Variants in SHANK2 observed in about 807,000 individuals in gnomAD.
SHANK2 encodes SH3 and multiple ankyrin repeat domains protein 2.
SHANK2 carries 43 observed loss-of-function variants against 133.7 expected under a neutral mutation model. That is an observed-to-expected ratio of 0.32 (90% confidence interval 0.25 to 0.41). The LOEUF (loss-of-function observed/expected upper bound fraction) is 0.41, where lower values mean the gene tolerates loss of function less well. Ranked by LOEUF, SHANK2 falls within the 10% of genes least tolerant of loss-of-function variation. The pLI is 1.00. For missense variants in SHANK2, 1,994 were observed against 2,235.8 expected (o/e 0.89, Z 2.18); for synonymous variants, 1,017 against 952.8 (o/e 1.07, Z -1.24).
chr11:71,081,988 C>G (rs1951306880), intron 8 of SHANK2, among the ~76,000 whole-genome samples: 1 of 152,186 alleles, frequency 6.6e-6, no homozygotes, highest in African/African-American at 2.4e-5. Context: ...TGCCAGCACC[C>G]ACGTCCCACA....
At chr11:70,771,777 G>T (rs1947256537) in intron 14 of SHANK2, among the ~76,000 whole-genome samples, 2 of 152,138 alleles carry the variant, frequency 1.3e-5, no homozygotes, top group Admixed American at 6.5e-5. Context: ...ATGGATTTAG[G>T]ATTTGGAGGT....
At chr11:70,928,033 A>C (rs1950452520) in intron 10 of SHANK2, among the ~76,000 whole-genome samples, 1 of 152,158 alleles carries the variant, frequency 6.6e-6, no homozygotes, top group African/African-American at 2.4e-5. Flanking sequence ...ATTCCTTATA[A>C]TAAATCTCTC....
At chr11:70,799,475 T>A (rs953087587) in intron 13 of SHANK2, among the ~76,000 whole-genome samples, 2 of 151,972 alleles carry the variant, frequency 1.3e-5, no homozygotes, top group Admixed American at 1.3e-4. Context: ...GACAATGGTG[T>A]GGACGTGGAA....
intron 9 of SHANK2, among the ~76,000 whole-genome samples, chr11:71,062,513 C>T (rs918732915): frequency 3.3e-5 from 5 of 152,092 alleles, no homozygotes; most frequent in Non-Finnish European, 7.4e-5. Flanking sequence ...CTTGCTCACC[C>T]ATTTGCTCTG....
chr11:70,873,496 T>C (rs934595834), intron 11 of SHANK2, among the ~76,000 whole-genome samples: 21 of 152,110 alleles, frequency 1.4e-4, no homozygotes, highest in African/African-American at 4.8e-4. Flanking sequence ...GGTGAGGCAG[T>C]TGGGATCCCT....
chr11:70,515,104 G>C (rs1012435648), intron 17 of SHANK2, among the ~76,000 whole-genome samples: 1 of 152,200 alleles, frequency 6.6e-6, no homozygotes, highest in Admixed American at 6.5e-5. Flanking sequence ...GCAGTGGTGT[G>C]ATCGTGACTC....
chr11:70,648,053 A>T (rs976350070), intron 17 of SHANK2, among the ~76,000 whole-genome samples: 1 of 152,280 alleles, frequency 6.6e-6, no homozygotes, highest in Non-Finnish European at 1.5e-5. Flanking sequence ...GTCTAACCAC[A>T]TGGTGGAACG....
chr11:70,655,676 A>G lies in SHANK2; in HGVS notation c.2061+4152T>C, dbSNP rs554893390. ...TTAGATCACAAAAGTCATTCAAGAA[A>G]CAACATTTAGGTTGTCAAACAAGGG... is the stretch of plus-strand genomic sequence containing the variant. On this transcript the variant is annotated intron_variant, in intron 17 of 25. Transcript: ENST00000601538. Among the ~76,000 whole-genome samples the G allele has an allele frequency of 2.8e-4, 43 of 152,358 alleles. No homozygotes were observed. In the South Asian group the frequency reaches 8.5e-3, roughly 30 times the overall value.
At chr11:71,134,317 G>C (rs1330760154) in intron 3 of SHANK2, among the ~76,000 whole-genome samples, 1 of 151,996 alleles carries the variant, frequency 6.6e-6, no homozygotes, top group Admixed American at 6.6e-5. Flanking sequence ...TTTCCTCTTG[G>C]GGGGATGGAA....
intron 15 of SHANK2, among the ~76,000 whole-genome samples, chr11:70,686,350 C>T (rs535083544): frequency 3.3e-5 from 5 of 150,694 alleles, no homozygotes; most frequent in Non-Finnish European, 7.4e-5. Context: ...TCCACCCATT[C>T]ACACACCCAT....
At chr11:70,823,885 G>A (rs1036251136) in intron 11 of SHANK2, among the ~76,000 whole-genome samples, 1 of 151,416 alleles carries the variant, frequency 6.6e-6, no homozygotes, top group African/African-American at 2.4e-5. Context: ...CAAAGCACAT[G>A]AGGACAAAGG....
chr11:70,643,477 T>C (rs896977964), intron 17 of SHANK2, among the ~76,000 whole-genome samples: 6 of 146,022 alleles, frequency 4.1e-5, no homozygotes, highest in Non-Finnish European at 8.9e-5. Flanking sequence ...GGCAGGAGAA[T>C]GGCGTGAACC....
rs1255657571 is a variant in SHANK2 at position 70,882,163 on chromosome 11, TGGA to T, written c.1174+14335_1174+14337del. Among the ~76,000 whole-genome samples the T allele has an allele frequency of 6.6e-6, 1 of 151,440 alleles. No homozygotes were observed. The highest frequency in any genetic ancestry group is 2.4e-5 in the African/African-American group (1 of 41,164). Reference sequence around the variant, plus strand: ...ATGCTGGCAGGTGAGACAAACAGCATGGAGGAGGAGGAGGAGGGAGGGAGTGGG... The same window carrying T: ...ATGCTGGCAGGTGAGACAAACAGCATGGAGGAGGAGGAGGGAGGGAGTGGG... On this transcript the variant is annotated intron_variant, in intron 11 of 25. Transcript: ENST00000601538. This position sits in a 1 kb window ranked among gnomAD's most constrained non-coding sequence, Gnocchi z 4.2.
chr11:70,872,583 G>A (rs1365465546), intron 11 of SHANK2, among the ~76,000 whole-genome samples: 3 of 151,856 alleles, frequency 2.0e-5, no homozygotes, highest in African/African-American at 7.3e-5. Flanking sequence ...AGGGAATAGG[G>A]GGCCCCCATA....
chr11:71,177,808 C>A (rs376120923), intron 2 of SHANK2, among the ~76,000 whole-genome samples: 1 of 151,922 alleles, frequency 6.6e-6, no homozygotes, highest in Non-Finnish European at 1.5e-5. Flanking sequence ...CAAATAAGCA[C>A]GTGAAAAAAA....
At chr11:70,861,833 C>T (rs1361963939) in intron 11 of SHANK2, among the ~76,000 whole-genome samples, 14 of 152,058 alleles carry the variant, frequency 9.2e-5, no homozygotes, top group African/African-American at 3.4e-4. Context: ...AATAAATAAG[C>T]ACAGGAATAA....
intron 3 of SHANK2, among the ~76,000 whole-genome samples, 157 bp from the exon 4 acceptor site, chr11:71,119,189 C>T (rs1952039135): frequency 1.3e-5 from 2 of 152,128 alleles, no homozygotes; most frequent in Admixed American, 1.3e-4. Flanking sequence ...AAAATAAAGC[C>T]TACTGGTTGC....
At chr11:70,578,267 AACC>A (rs2060141525) in intron 17 of SHANK2, among the ~76,000 whole-genome samples, 1 of 152,200 alleles carries the variant, frequency 6.6e-6, no homozygotes, top group African/African-American at 2.4e-5. Flanking sequence ...TACTTCCCAG[AACC>A]ACAACAGGCT....
chr11:70,768,311 G>A (rs543894001), intron 14 of SHANK2, among the ~76,000 whole-genome samples: 2 of 152,236 alleles, frequency 1.3e-5, no homozygotes, highest in Non-Finnish European at 2.9e-5. Context: ...GGAGGAAGTC[G>A]TGGACAGGGA....
Sources: allele counts gnomAD v4.1 joint callset (sites outside exome capture counted in the v4.1 genomes callset), GRCh38; gene constraint gnomAD v4.1.1; non-coding constraint Gnocchi (gnomAD v3.1); transcripts MANE v1.5; gene names NCBI Gene and HGNC (gene_info 2026-07-23, HGNC 2026-07-21).